RNF145: variants seen among roughly 807,000 people sequenced by gnomAD.
RNF145 encodes the protein ring finger protein 145.
A neutral mutation model predicts 57.3 loss-of-function variants in RNF145; 12 were observed. The ratio of observed to expected loss-of-function variants is 0.21; its 90% CI spans 0.13 to 0.34. The LOEUF (loss-of-function observed/expected upper bound fraction) is 0.34, where lower values mean the gene tolerates loss of function less well. Among genes scored for constraint, RNF145 ranks in the 10% least tolerant of loss-of-function variants. The pLI is 1.00. For synonymous variants in RNF145, 262 were observed against 288.3 expected, an observed-to-expected ratio of 0.91 and a Z score of 0.92; for missense variants, 429 against 799.0, an observed-to-expected ratio of 0.54 and a Z score of 5.58.
chr5:159,177,958 T>C (rs145326497), intron 4 of RNF145, among the ~76,000 whole-genome samples: 18 of 152,170 alleles, frequency 1.2e-4, no homozygotes, highest in South Asian at 4.1e-4. Context: ...AGAATACGTA[T>C]CCTACTGCCT....
chr5:159,202,586 T>C lies in RNF145; in HGVS notation c.184+848A>G, dbSNP rs994602056. On this transcript the variant is annotated intron_variant, in intron 2 of 10. Transcript: ENST00000424310. ...GAACCCAGAAAGTGATAAAAATAAA[T>C]CTCAGAGAGACAGGACAACTCTTCA... 3.3e-5 allele frequency among the ~76,000 whole-genome samples: 5 copies of C among 152,134 alleles called. No homozygotes were observed. In the South Asian group the frequency reaches 1.0e-3, roughly 31 times the overall value.
chr5:159,196,226 TGA>T (rs1296518539), intron 2 of RNF145, among the ~76,000 whole-genome samples: 7 of 120,576 alleles, frequency 5.8e-5, no homozygotes, highest in East Asian at 2.3e-4. Context: ...TAAAATATTA[TGA>T]GTTTTTTTTT....
At chr5:159,195,646 C>T (rs1785434312) in intron 2 of RNF145, among the ~76,000 whole-genome samples, 1 of 152,198 alleles carries the variant, frequency 6.6e-6, no homozygotes, top group Admixed American at 6.5e-5. Context: ...TCTAACTTCT[C>T]TAATTTCTTT....
chr5:159,189,181 G>A lies in RNF145; in HGVS notation c.293+5535C>T, dbSNP rs186585928. On this transcript the variant is annotated intron_variant, in intron 3 of 10. Transcript: ENST00000424310. ...TTTGCAAATCATAGATCTGATAAGGGACTTGTATATATTTGCAAATCATAG... is the reference window on the plus strand; with the variant it reads ...TTTGCAAATCATAGATCTGATAAGGAACTTGTATATATTTGCAAATCATAG... 1.9e-3 allele frequency among the ~76,000 whole-genome samples: 289 copies of A among 152,110 alleles called. 1 individual carries two copies. The highest frequency in any genetic ancestry group is 3.7e-3 in the Non-Finnish European group (249 of 67,984).
intron 4 of RNF145, among the ~76,000 whole-genome samples, chr5:159,179,143 A>C (rs1784801628): frequency 6.6e-6 from 1 of 152,004 alleles, no homozygotes; most frequent in Non-Finnish European, 1.5e-5. Context: ...ATGCCAGCAC[A>C]TGTGGTGCTC....
chr5:159,207,582 T>C (rs1785938598), intron 1 of RNF145: 2 of 1,593,966 alleles, frequency 1.3e-6, no homozygotes, highest in Non-Finnish European at 1.7e-6. Context: ...GTTAGGATGG[T>C]AGGCCTCACT....
Position 159,180,321 on chromosome 5 carries a change from G to T in RNF145, c.385+1639C>A, listed in dbSNP as rs1179859285. ...ATACACCCTCAACTGGCCATTTTTG[G>T]CTCTTTTCTCAGCTCCTGGGAATCT... is the stretch of plus-strand genomic sequence containing the variant. On this transcript the variant is annotated intron_variant, in intron 4 of 10. Coordinates refer to ENST00000424310, the MANE Select transcript of RNF145 (RefSeq NM_001199383.2). Among the ~76,000 whole-genome samples, 3 of 151,988 alleles carry T rather than the reference G, an allele frequency of 2.0e-5. 1 individual carries two copies. Among genetic ancestry groups the T allele is most frequent in the Non-Finnish European group, 4.4e-5 (3 of 67,966 alleles).
rs764406143 is a variant in RNF145, at chr5:159,176,785, C to T, written c.468G>A (p.Leu156=). The change falls in exon 5 of 11, where the codon CTG becomes CTA. Residue 156 remains leucine (L), a synonymous_variant. Transcript: ENST00000424310. The part of the protein sequence containing the change: ...IWLFSAHMLP[L]LARLCLVPLE... ...AAGGAACAAGGCAGAGTCGTGCTAG[C>T]AGAGGAAGCATGTGAGCTGAAAACA... 5 of 1,612,616 alleles carry T rather than the reference C, an allele frequency of 3.1e-6. No homozygotes were observed. Among genetic ancestry groups the T allele is most frequent in the Non-Finnish European group, 8.5e-7 (1 of 1,179,022 alleles).
In RNF145 at chr5:159,157,957, AC is replaced by A. The variant is rs1347127946; in HGVS notation, c.*712del. 6.5e-6 allele frequency: 1 copy of A among 152,796 alleles called. No homozygotes were observed. The highest frequency in any genetic ancestry group is 1.5e-5 in the Non-Finnish European group (1 of 68,060). The allele number at this position is 152,796 out of a possible 1,614,324, so 9.5% of individuals were successfully genotyped here. ...GCCAGCGAAGTATACAACATATTTAACAAAAGTTTCATATACATCAAAATAC... is the reference window on the plus strand; with the variant it reads ...GCCAGCGAAGTATACAACATATTTAAAAAAGTTTCATATACATCAAAATAC... On this transcript the variant is annotated 3_prime_UTR_variant, in exon 11 of 11. Transcript: ENST00000424310.
In RNF145 at chr5:159,172,034, T is replaced by C. The variant is rs189138087; in HGVS notation, c.797+1949A>G. 5.9e-5 allele frequency among the ~76,000 whole-genome samples: 9 copies of C among 152,326 alleles called. No homozygotes were observed. The East Asian group carries it at 1.7e-3, about 29-fold the overall frequency. ...CCAAATGCATTCATGGCTTAGTAAA[T>C]TGTTAAGCCTACTGCACTATGCTAT... On this transcript the variant is annotated intron_variant, in intron 6 of 10. Coordinates refer to ENST00000424310, the MANE Select transcript of RNF145 (RefSeq NM_001199383.2).
In RNF145 at chr5:159,174,125, T is replaced by C. The variant is rs1367889225; in HGVS notation, c.655A>G (p.Met219Val). 3.1e-6 allele frequency: 5 copies of C among 1,612,532 alleles called. No homozygotes were observed. Among genetic ancestry groups the C allele is most frequent in the Admixed American group, 1.7e-5 (1 of 59,874 alleles). ...VEVYGLLALGMSLWNQLVVPV... is the reference protein window; with the variant it reads ...VEVYGLLALGVSLWNQLVVPV... Reference sequence around the variant, plus strand: ...ACTACCAGTTGATTCCACAGGGACATTCCCAAGGCGAGAAGGCCATATACC... The same window carrying C: ...ACTACCAGTTGATTCCACAGGGACACTCCCAAGGCGAGAAGGCCATATACC... The change falls in exon 6 of 11, where the codon ATG becomes GTG. Residue 219 changes from methionine to valine, a missense_variant. Met to Val is a conservative substitution (Grantham distance 21). Around this residue, in one of 4 missense-constraint regions of RNF145, gnomAD observed 216 missense variants for 457.6 expected, o/e 0.47. Transcript: ENST00000424310.
At position 159,158,660 on chromosome 5, in the gene RNF145, T is replaced by A; in HGVS notation, c.*10A>T. On this transcript the variant is annotated 3_prime_UTR_variant, in exon 11 of 11. Transcript: ENST00000424310. Reference sequence around the variant, plus strand: ...CAGAGTATCAAAGCATCATTCCTGCTGCTTCTCCTCTAGGCTGATTCAACA... The same window carrying A: ...CAGAGTATCAAAGCATCATTCCTGCAGCTTCTCCTCTAGGCTGATTCAACA... The A allele has an allele frequency of 6.2e-7, 1 of 1,610,250 alleles. No individual in the cohort carries two copies. The highest frequency in any genetic ancestry group is 2.2e-5 in the East Asian group (1 of 44,822).
rs2113125219 is a variant in RNF145, at chr5:159,173,139, T to A, written c.797+844A>T. 5.3e-5 allele frequency among the ~76,000 whole-genome samples: 8 copies of A among 152,326 alleles called. 1 individual carries two copies. The South Asian group carries it at 1.7e-3, about 32-fold the overall frequency. ...TAAAAACCGAGTCTTAGAATTATTT[T>A]GGGTTAGTCCAAGCTTGACTAACCT... is the stretch of plus-strand genomic sequence containing the variant. On this transcript the variant is annotated intron_variant, in intron 6 of 10. Transcript: ENST00000424310.
rs1184288710 is a variant in RNF145, at chr5:159,163,091, CA to C, written c.1122-13del. On this transcript the variant is annotated splice_polypyrimidine_tract_variant and intron_variant, in intron 8 of 10. Coordinates refer to ENST00000424310, the MANE Select transcript of RNF145 (RefSeq NM_001199383.2). ...GTTTCCACAAGCTCCTGGAGAAAGACAAAATTATTCTTTTTAAGTGCCTGCC... is the reference window on the plus strand; with the variant it reads ...GTTTCCACAAGCTCCTGGAGAAAGACAAATTATTCTTTTTAAGTGCCTGCC... The C allele has an allele frequency of 1.3e-6, 2 of 1,583,106 alleles. No individual in the cohort carries two copies. The highest frequency in any genetic ancestry group is 4.0e-5 in the Admixed American group (2 of 50,616).
At position 159,158,793 on chromosome 5, in the gene RNF145, C is replaced by G. The variant is rs760472926; in HGVS notation, c.1869G>C (p.Gln623His). 5.0e-6 allele frequency: 8 copies of G among 1,613,966 alleles called. No individual in the cohort carries two copies. The South Asian group carries it at 8.8e-5, about 18-fold the overall frequency. ...ACTCATTATTGTCCCTGGAACCTTC[C>G]TGTATCCTGGTCCCTGGAGTATGCT... ...GQEHTPGTRI[Q>H]EGSRDNNEYI... Residue 623 changes from glutamine to histidine, a missense_variant, in exon 11 of 11, where the codon CAG becomes CAC. By Grantham distance (24) the Gln-to-His change is conservative (BLOSUM62 0). Around this residue, in one of 4 missense-constraint regions of RNF145, gnomAD observed 102 missense variants for 106.2 expected, o/e 0.96. Transcript: ENST00000424310.
chr5:159,177,838 T>A (rs1784766666), intron 4 of RNF145, among the ~76,000 whole-genome samples: 1 of 152,064 alleles, frequency 6.6e-6, no homozygotes, highest in Admixed American at 6.6e-5. Context: ...CCAAATTTTT[T>A]AAATTGGCAT....
At chr5:159,171,167 ATAAT>A (rs1436254068) in intron 6 of RNF145, among the ~76,000 whole-genome samples, 1 of 152,212 alleles carries the variant, frequency 6.6e-6, no homozygotes, top group African/African-American at 2.4e-5. Context: ...CTAGAAAAAA[ATAAT>A]TAATTTTATG....
At position 159,169,780 on chromosome 5, in the gene RNF145, A is replaced by C. The variant is rs1353954382; in HGVS notation, c.837T>G (p.Gly279=). Residue 279 remains glycine (G), a synonymous_variant, in exon 7 of 11, where the codon GGT becomes GGG. Coordinates refer to ENST00000424310, the MANE Select transcript of RNF145 (RefSeq NM_001199383.2). ...CAACAAAAGAAACCGTGAAGACCAA[A>C]CCCAAAAGAGAGTAAGGAGTGCTGC... ...ECCSTPYSLL[G]LVFTVSFVAL... is the part of the protein sequence containing the mutation. 1 of 1,613,370 alleles carries C rather than the reference A, an allele frequency of 6.2e-7. No homozygotes were observed. The highest frequency in any genetic ancestry group is 8.5e-7 in the Non-Finnish European group (1 of 1,179,632).
intron 3 of RNF145, among the ~76,000 whole-genome samples, chr5:159,190,767 C>A (rs144496541): frequency 0.011 from 1,627 of 151,462 alleles, 29 homozygotes; most frequent in African/African-American, 0.038. Context: ...AAACCTTCAA[C>A]CTCAATGTCT....
Sources: allele counts gnomAD v4.1 joint callset (sites outside exome capture counted in the v4.1 genomes callset), GRCh38; gene constraint gnomAD v4.1.1; regional missense constraint gnomAD v4.1.1; transcripts MANE v1.5; gene names NCBI Gene and HGNC (gene_info 2026-07-23, HGNC 2026-07-21).